Variants in PPARGC1A observed in about 807,000 individuals in gnomAD.
The protein encoded by PPARGC1A is PPARG coactivator 1 alpha.
In PPARGC1A, 25 loss-of-function variants were observed where a neutral mutation model predicts 88.7. The ratio of observed to expected loss-of-function variants is 0.28; its 90% CI spans 0.21 to 0.39. PPARGC1A has a LOEUF of 0.39. PPARGC1A is among the 10% of genes least tolerant of loss of function. The pLI, the probability that PPARGC1A is intolerant of heterozygous loss-of-function variation, is 1.00. For missense variants in PPARGC1A, 880 were observed against 968.7 expected (o/e 0.91, Z 1.22); for synonymous variants, 363 against 355.6 (o/e 1.02, Z -0.24).
chr4:24,030,911 G>C, the PPARGC1A span, among the ~76,000 whole-genome samples: 2 of 152,178 alleles, frequency 1.3e-5, no homozygotes, highest in East Asian at 3.9e-4. Flanking sequence ...CAGGCACTAA[G>C]TAAGATATTC....
the PPARGC1A span, among the ~76,000 whole-genome samples, chr4:24,403,669 G>C: frequency 1.2e-4 from 18 of 152,124 alleles, no homozygotes; most frequent in African/African-American, 4.3e-4. Context: ...AGATCTCTTA[G>C]GCTCATGTTG....
the PPARGC1A span, among the ~76,000 whole-genome samples, chr4:24,001,139 TATC>T: frequency 6.6e-6 from 1 of 152,228 alleles, no homozygotes; most frequent in Non-Finnish European, 1.5e-5. Flanking sequence ...AAAATCCATA[TATC>T]ATGTTAAAAA....
chr4:24,444,167 G>GCC, the PPARGC1A span, among the ~76,000 whole-genome samples: 6 of 152,092 alleles, frequency 3.9e-5, no homozygotes, highest in East Asian at 9.7e-4. Flanking sequence ...AAGTAGGTGG[G>GCC]ACTACACAGG....
At chr4:23,869,269 G>A (rs966343464) in intron 2 of PPARGC1A, among the ~76,000 whole-genome samples, 1 of 152,160 alleles carries the variant, frequency 6.6e-6, no homozygotes, top group Admixed American at 6.5e-5. Flanking sequence ...AGAGACATGA[G>A]GAAAGACACA....
the PPARGC1A span, among the ~76,000 whole-genome samples, chr4:23,998,481 T>A: frequency 3.3e-5 from 5 of 152,144 alleles, no homozygotes; most frequent in Admixed American, 6.6e-5. Flanking sequence ...CTGTACAATG[T>A]CAGGATAAAG....
At chr4:23,951,037 A>T in the PPARGC1A span, among the ~76,000 whole-genome samples, 3 of 152,264 alleles carry the variant, frequency 2.0e-5, no homozygotes, top group South Asian at 6.2e-4. Context: ...ACAATTGTTC[A>T]GTTCAACAAA....
the PPARGC1A span, among the ~76,000 whole-genome samples, chr4:24,233,569 GACACACACAAACACATACACACACAC>G: frequency 7.2e-6 from 1 of 139,014 alleles, no homozygotes; most frequent in Non-Finnish European, 1.5e-5. Context: ...GCACTAAGAG[GACACACACAAACACATACACACACAC>G]ACACACACAC....
chr4:24,415,077 C>G, the PPARGC1A span, among the ~76,000 whole-genome samples: 1 of 152,104 alleles, frequency 6.6e-6, no homozygotes, highest in East Asian at 1.9e-4. Context: ...GTAATCCCAG[C>G]TACTTGGGAA....
At chr4:24,065,636 C>A in the PPARGC1A span, among the ~76,000 whole-genome samples, 2 of 152,244 alleles carry the variant, frequency 1.3e-5, no homozygotes, top group Non-Finnish European at 2.9e-5. Context: ...CCCCCAGCAA[C>A]AAACACCAAT....
chr4:24,034,832 A>G, the PPARGC1A span, among the ~76,000 whole-genome samples: 1 of 152,240 alleles, frequency 6.6e-6, no homozygotes, highest in East Asian at 1.9e-4. Context: ...AGTGATGCAT[A>G]CAGAAACCAA....
At chr4:24,353,176 C>T in the PPARGC1A span, among the ~76,000 whole-genome samples, 23 of 149,432 alleles carry the variant, frequency 1.5e-4, no homozygotes, top group Middle Eastern at 3.4e-3. Flanking sequence ...CCAAGTGACC[C>T]TTTTAAATAA....
At chr4:24,153,885 G>A in the PPARGC1A span, among the ~76,000 whole-genome samples, 1 of 151,918 alleles carries the variant, frequency 6.6e-6, no homozygotes, top group Admixed American at 6.6e-5. Context: ...AAACAAAAGT[G>A]GATCCCTCCA....
At chr4:23,983,032 A>G in the PPARGC1A span, among the ~76,000 whole-genome samples, 1 of 152,156 alleles carries the variant, frequency 6.6e-6, no homozygotes, top group Non-Finnish European at 1.5e-5. Flanking sequence ...TCATTGCAAC[A>G]GAAGCAATGT....
chr4:24,411,992 T>C, the PPARGC1A span, among the ~76,000 whole-genome samples: 65 of 152,364 alleles, frequency 4.3e-4, no homozygotes, highest in African/African-American at 1.5e-3. Flanking sequence ...CACATTTTTG[T>C]GTGGACATAA....
intron 2 of PPARGC1A, chr4:23,883,760 T>A (rs1716393146): frequency 6.6e-6 from 1 of 152,240 alleles, no homozygotes; most frequent in Non-Finnish European, 1.5e-5. Context: ...AAACATTTAT[T>A]CAGCATGTAT....
the PPARGC1A span, among the ~76,000 whole-genome samples, chr4:24,197,924 C>A: frequency 5.3e-5 from 8 of 152,152 alleles, no homozygotes; most frequent in African/African-American, 1.7e-4. Flanking sequence ...AGGAGACACT[C>A]GGACTTAAAT....
chr4:23,931,434 C>CA, the PPARGC1A span, among the ~76,000 whole-genome samples: 12 of 148,766 alleles, frequency 8.1e-5, no homozygotes, highest in African/African-American at 3.0e-4. Flanking sequence ...CCCGCCCTGA[C>CA]TTTTTTTTTT....
upstream of PPARGC1A, among the ~76,000 whole-genome samples, chr4:23,891,923 A>C: frequency 6.6e-6 from 1 of 152,332 alleles, no homozygotes; most frequent in East Asian, 1.9e-4. Flanking sequence ...AATTATTAAA[A>C]TTCAGGACAA....
At chr4:24,076,617 G>T in the PPARGC1A span, among the ~76,000 whole-genome samples, 3 of 152,120 alleles carry the variant, frequency 2.0e-5, no homozygotes, top group Non-Finnish European at 4.4e-5. Context: ...TGGACAGCTA[G>T]GTGCTCTATC....
Sources: allele counts gnomAD v4.1 joint callset (sites outside exome capture counted in the v4.1 genomes callset), GRCh38; gene constraint gnomAD v4.1.1; transcripts MANE v1.5; gene names NCBI Gene and HGNC (gene_info 2026-07-23, HGNC 2026-07-21).